BSN: variants seen among roughly 807,000 people sequenced by gnomAD.
BSN encodes the protein protein bassoon.
BSN carries 57 observed loss-of-function variants against 264.8 expected under a neutral mutation model. The ratio of observed to expected loss-of-function variants is 0.22; its 90% CI spans 0.17 to 0.27. The LOEUF is 0.27. Ranked by LOEUF, BSN falls within the 10% of genes least tolerant of loss-of-function variation. BSN has a pLI of 1.00. For synonymous variants in BSN, 2,059 were observed against 2,137.3 expected, an observed-to-expected ratio of 0.96 and a Z score of 1.01; for missense variants, 4,615 against 5,232.5, an observed-to-expected ratio of 0.88 and a Z score of 3.64.
intron 1 of BSN, among the ~76,000 whole-genome samples, chr3:49,605,298 A>G (rs113586895): frequency 9.8e-6 from 1 of 101,984 alleles, no homozygotes; most frequent in Non-Finnish European, 1.8e-5. Context: ...TATATTTTAT[A>G]TATTATATAT....
rs2052586927 is a variant in BSN, at chr3:49,655,160, A to G, written c.5604A>G (p.Gly1868=). 6.2e-7 allele frequency: 1 copy of G among 1,612,600 alleles called. No homozygotes were observed. The highest frequency in any genetic ancestry group is 1.1e-5 in the South Asian group (1 of 91,064). Residue 1868 remains glycine, a synonymous_variant, in exon 5 of 12, where the codon GGA becomes GGG. Transcript: ENST00000296452. ...RKPHTVVVQM[G]EGTAGTVTTL... ...CACACACAGTGGTGGTGCAGATGGG[A>G]GAGGGCACAGCAGGCACTGTGACCA...
intron 1 of BSN, among the ~76,000 whole-genome samples, chr3:49,598,875 A>G (rs756613080): frequency 3.3e-5 from 5 of 152,232 alleles, no homozygotes; most frequent in Non-Finnish European, 5.9e-5. Flanking sequence ...AGATTAGAAA[A>G]GAAGAAATAA....
At position 49,663,341 on chromosome 3, in the gene BSN, C is replaced by G. The variant is rs200713966; in HGVS notation, c.11183C>G (p.Ala3728Gly). Residue 3728 changes from alanine (A) to glycine (G), a missense_variant, in exon 7 of 12, where the codon GCC (alanine) becomes GGC (glycine). Ala to Gly is a moderately conservative substitution (Grantham distance 60). Transcript: ENST00000296452. ...ASDSKKGSRQ[A>G]HSGPAALQSK... Reference sequence around the variant, plus strand: ...GACAGCAAGAAGGGCTCCCGGCAAGCCCACTCCGGGCCCGCTGCACTGCAG... The same window carrying G: ...GACAGCAAGAAGGGCTCCCGGCAAGGCCACTCCGGGCCCGCTGCACTGCAG... 1 of 1,613,720 alleles carries G rather than the reference C, an allele frequency of 6.2e-7. No individual in the cohort carries two copies. Among genetic ancestry groups the G allele is most frequent in the Non-Finnish European group, 8.5e-7 (1 of 1,180,034 alleles).
At chr3:49,627,527 G>C (rs2052350411) in intron 2 of BSN, among the ~76,000 whole-genome samples, 1 of 152,222 alleles carries the variant, frequency 6.6e-6, no homozygotes, top group African/African-American at 2.4e-5. Context: ...TCCTGGTCAT[G>C]CTTCCATGTG....
rs758158692 is a variant in BSN, at chr3:49,657,731, G to C, written c.8175G>C (p.Gln2725His). The C allele has an allele frequency of 1.2e-5, 19 of 1,550,126 alleles. No individual in the cohort carries two copies. Among genetic ancestry groups the C allele is most frequent in the Admixed American group, 7.4e-5 (4 of 53,724 alleles). The part of the protein sequence containing the change: ...SLACQTEPDG[Q>H]AQGVAGPQLV... ...CCTGCCAGACGGAGCCAGATGGGCA[G>C]GCCCAGGGTGTAGCCGGGCCGCAGC... The change falls in exon 5 of 12, where the codon CAG becomes CAC. Residue 2725 changes from glutamine to histidine, a missense_variant. Coordinates refer to ENST00000296452, the MANE Select transcript of BSN (RefSeq NM_003458.4).
At chr3:49,600,614 A>G (rs2052066531) in intron 1 of BSN, among the ~76,000 whole-genome samples, 1 of 151,974 alleles carries the variant, frequency 6.6e-6, no homozygotes, top group South Asian at 2.1e-4. Flanking sequence ...CAACACAGTA[A>G]GACCCTGTCT....
chr3:49,591,405 A>G (rs1030313665), intron 1 of BSN, among the ~76,000 whole-genome samples: 1 of 152,174 alleles, frequency 6.6e-6, no homozygotes, highest in African/African-American at 2.4e-5. Flanking sequence ...TACCTTTACC[A>G]GCACTCTTTG....
At chr3:49,614,992 T>G (rs1488271383) in intron 1 of BSN, among the ~76,000 whole-genome samples, 1 of 152,178 alleles carries the variant, frequency 6.6e-6, no homozygotes, top group Non-Finnish European at 1.5e-5. Flanking sequence ...GCTGGCAGCT[T>G]CTTCTAGCCT....
chr3:49,613,864 C>T (rs750137722), intron 1 of BSN, among the ~76,000 whole-genome samples: 3 of 151,744 alleles, frequency 2.0e-5, no homozygotes, highest in Non-Finnish European at 4.4e-5. Context: ...ACTCAGGAAA[C>T]GTGGTTTCTA....
rs1449361455 is a variant in BSN, at chr3:49,663,491, C to T, written c.11333C>T (p.Thr3778Ile). ...PSGAASRQPQ[T>I]QQQQQGLGLQ... is the part of the protein sequence containing the mutation. ...GGGGCAGCATCACGCCAGCCACAGA[C>T]ACAGCAGCAGCAGCAAGGTCTTGGG... Residue 3778 changes from threonine (T) to isoleucine (I), a missense_variant, in exon 7 of 12, where the codon ACA (threonine) becomes ATA (isoleucine). This residue lies in a region of BSN where 3,415 missense variants were observed against 3,866.4 expected (regional missense o/e 0.88). Transcript: ENST00000296452. 2 of 1,613,108 alleles carry T rather than the reference C, an allele frequency of 1.2e-6. No homozygotes were observed. The highest frequency in any genetic ancestry group is 1.1e-5 in the South Asian group (1 of 91,088).
intron 3 of BSN, among the ~76,000 whole-genome samples, chr3:49,649,135 C>T (rs1006712167): frequency 3.3e-5 from 5 of 152,166 alleles, no homozygotes; most frequent in Non-Finnish European, 5.9e-5. Flanking sequence ...CCCTAGGATG[C>T]CAGGCTAAGG....
Position 49,653,828 on chromosome 3 carries a change from C to A in BSN, c.4272C>A (p.Thr1424=), listed in dbSNP as rs769713931. The change falls in exon 5 of 12, where the codon ACC becomes ACA. Residue 1424 remains threonine (T), a synonymous_variant. Transcript: ENST00000296452. The surrounding 1 kb of genome is among the most constrained non-coding windows in gnomAD (Gnocchi z 6.3). The stretch of plus-strand genomic sequence containing the variant: ...CCCACAGCTATGGACACAGCCCAAC[C>A]ACTGCAAACTATGGGTCCCAAACTG... The part of the protein sequence containing the change: ...STAHSYGHSP[T]TANYGSQTED... The A allele has an allele frequency of 2.3e-5, 37 of 1,614,154 alleles. No homozygotes were observed. In the East Asian group the frequency reaches 6.2e-4, roughly 27 times the overall value.
intron 1 of BSN, among the ~76,000 whole-genome samples, chr3:49,562,008 A>C (rs759320566): frequency 5.3e-5 from 8 of 152,034 alleles, no homozygotes; most frequent in Non-Finnish European, 1.0e-4. Flanking sequence ...GGGTTTCACC[A>C]TGTTAGCCAG....
At chr3:49,574,524 C>T (rs1399252491) in intron 1 of BSN, among the ~76,000 whole-genome samples, 2 of 152,056 alleles carry the variant, frequency 1.3e-5, no homozygotes, top group Non-Finnish European at 2.9e-5. Flanking sequence ...ACCTCTGCCT[C>T]CTGGGTTCAA....
rs1195174606 is a variant in BSN, at chr3:49,657,573, T to G, written c.8017T>G (p.Ser2673Ala). Residue 2673 changes from serine (S) to alanine (A), a missense_variant, in exon 5 of 12, where the codon TCC becomes GCC. Physicochemically the swap from Ser to Ala is moderately conservative, Grantham distance 99. This residue lies in a region of BSN where 3,415 missense variants were observed against 3,866.4 expected (regional missense o/e 0.88). Coordinates refer to ENST00000296452, the MANE Select transcript of BSN (RefSeq NM_003458.4). ...GGGCATCCAGACCATCAGTGACTGC[T>G]CCGTGCAGACGGAGCCTGACCAGCT... is the stretch of plus-strand genomic sequence containing the variant. ...SVGIQTISDC[S>A]VQTEPDQLPR... is the part of the protein sequence containing the mutation. 2.5e-6 allele frequency: 4 copies of G among 1,613,056 alleles called. No individual in the cohort carries two copies. The highest frequency in any genetic ancestry group is 3.4e-6 in the Non-Finnish European group (4 of 1,179,954).
At chr3:49,573,263 G>A (rs2051811481) in intron 1 of BSN, among the ~76,000 whole-genome samples, 1 of 152,168 alleles carries the variant, frequency 6.6e-6, no homozygotes, top group African/African-American at 2.4e-5. Context: ...AGGTAGGTGG[G>A]GAGGAAAGGG....
Position 49,650,996 on chromosome 3 carries a change from G to A in BSN, c.1903G>A (p.Val635Ile). 1 of 1,614,114 alleles carries A rather than the reference G, an allele frequency of 6.2e-7. No individual in the cohort carries two copies. Among genetic ancestry groups the A allele is most frequent in the Non-Finnish European group, 8.5e-7 (1 of 1,180,012 alleles). Residue 635 changes from valine to isoleucine, a missense_variant, in exon 4 of 12, where the codon GTA becomes ATA. Coordinates refer to ENST00000296452, the MANE Select transcript of BSN (RefSeq NM_003458.4). The stretch of plus-strand genomic sequence containing the variant: ...TACCCCAACCCCTGCGACTCCTAAA[G>A]TAAAGAGTGGGGTGAGGAGGGCTGA... ...ETTPTPATPK[V>I]KSGVRRAEPA...
chr3:49,624,025 G>T (rs1264688041), intron 1 of BSN, among the ~76,000 whole-genome samples: 1 of 151,964 alleles, frequency 6.6e-6, no homozygotes, highest in Non-Finnish European at 1.5e-5. Flanking sequence ...TTTTGAAATG[G>T]AGTCTCGCTC....
In BSN at chr3:49,654,962, T is replaced by C. The variant is rs770389613; in HGVS notation, c.5406T>C (p.Tyr1802=). ...GRPREAKFAR[Y]NLPNQVAPLA... ...CCAGGGAGGCCAAGTTTGCCAGATA[T>C]AACCTACCCAACCAAGTAGCTCCTC... Residue 1802 remains tyrosine, a synonymous_variant, in exon 5 of 12, where the codon TAT becomes TAC. Transcript: ENST00000296452. The surrounding 1 kb of genome is among the most constrained non-coding windows in gnomAD (Gnocchi z 4.1). 10 of 1,612,580 alleles carry C rather than the reference T, an allele frequency of 6.2e-6. No homozygotes were observed. The highest frequency in any genetic ancestry group is 1.7e-5 in the Admixed American group (1 of 59,948).
Sources: allele counts gnomAD v4.1 joint callset (sites outside exome capture counted in the v4.1 genomes callset), GRCh38; gene constraint gnomAD v4.1.1; regional missense constraint gnomAD v4.1.1; non-coding constraint Gnocchi (gnomAD v3.1); transcripts MANE v1.5; gene names NCBI Gene and HGNC (gene_info 2026-07-23, HGNC 2026-07-21).